GABRA1: variants seen among roughly 807,000 people sequenced by gnomAD.
GABRA1 encodes gamma-aminobutyric acid receptor subunit alpha-1.
A neutral mutation model predicts 48.9 loss-of-function variants in GABRA1; 9 were observed. The ratio of observed to expected loss-of-function variants is 0.18; its 90% CI spans 0.11 to 0.32. The LOEUF (loss-of-function observed/expected upper bound fraction) is 0.32, where lower values mean the gene tolerates loss of function less well. GABRA1 is among the 10% of genes least tolerant of loss of function. The probability of loss-of-function intolerance (pLI) is 1.00; values close to 1 mark genes in which losing one functional copy is unlikely to be tolerated. For synonymous variants in GABRA1, 210 were observed against 198.7 expected (o/e 1.06, Z -0.48); for missense variants, 285 against 553.8 (o/e 0.51, Z 4.87).
chr5:161,847,484 G>A (rs1347630225), upstream of GABRA1: 2 of 152,228 alleles, frequency 1.3e-5, no homozygotes, highest in African/African-American at 2.4e-5. Context: ...CCCGGTTCCG[G>A]AGGGTATTCT....
At chr5:161,871,888 ATCAGTAAGGGC>A (rs1330274697) in intron 4 of GABRA1, among the ~76,000 whole-genome samples, 1 of 152,138 alleles carries the variant, frequency 6.6e-6, no homozygotes, top group Non-Finnish European at 1.5e-5. Context: ...TAGTTACTTG[ATCAGTAAGGGC>A]TCAGTAATGC....
chr5:161,848,172 G>T lies in GABRA1; in HGVS notation c.-266G>T, dbSNP rs972105612. 3 of 152,152 alleles carry T rather than the reference G, an allele frequency of 2.0e-5. No homozygotes were observed. The highest frequency in any genetic ancestry group is 2.9e-5 in the Non-Finnish European group (2 of 68,058). The allele number at this position is 152,152 out of a possible 1,614,324, so 9.4% of individuals were successfully genotyped here. A position where few individuals can be genotyped will look rare whatever the true frequency, so the allele number is the denominator to read the frequency against. On this transcript the variant is annotated 5_prime_UTR_variant, in exon 1 of 10. Transcript: ENST00000393943. ...CGTATTACTACTGTCTTGGTAAAGA[G>T]AAATCTTTTGTTGTATAGCTGCAGA...
upstream of GABRA1, chr5:161,847,635 C>A (rs1378831022): frequency 6.6e-6 from 1 of 152,160 alleles, no homozygotes; most frequent in Admixed American, 6.5e-5. Flanking sequence ...CGTGACTCTG[C>A]AAGACACGGG....
chr5:161,895,216 AG>A (rs1356017406), intron 8 of GABRA1, among the ~76,000 whole-genome samples: 3 of 152,150 alleles, frequency 2.0e-5, no homozygotes, highest in African/African-American at 7.2e-5. Context: ...ATTATCAAAA[AG>A]TCATTCACTT....
intron 4 of GABRA1, among the ~76,000 whole-genome samples, chr5:161,869,006 A>C (rs1012927895): frequency 6.6e-6 from 1 of 152,194 alleles, no homozygotes; most frequent in Non-Finnish European, 1.5e-5. Flanking sequence ...CAGATTAGCC[A>C]TAGGTCTGCC....
At chr5:161,853,902 G>A (rs1485954579) in intron 2 of GABRA1, among the ~76,000 whole-genome samples, 5 of 151,628 alleles carry the variant, frequency 3.3e-5, no homozygotes, top group Non-Finnish European at 7.4e-5. Flanking sequence ...TAATAAACAT[G>A]ATAAGAATTC....
At chr5:161,879,981 G>T (rs1240536107) in intron 6 of GABRA1, among the ~76,000 whole-genome samples, 1 of 152,160 alleles carries the variant, frequency 6.6e-6, no homozygotes, top group Non-Finnish European at 1.5e-5. Context: ...GTTGTGAAAT[G>T]ACACAAGATC....
At chr5:161,886,581 GC>G (rs1480663625) in intron 7 of GABRA1, among the ~76,000 whole-genome samples, 1 of 151,898 alleles carries the variant, frequency 6.6e-6, no homozygotes, top group East Asian at 1.9e-4. Flanking sequence ...TTCCAAACCA[GC>G]CTGGGAAATG....
chr5:161,872,641 C>A (rs1405093616), intron 4 of GABRA1, among the ~76,000 whole-genome samples: 1 of 152,060 alleles, frequency 6.6e-6, no homozygotes, highest in Non-Finnish European at 1.5e-5. Context: ...ATTGGAATCA[C>A]AATTTACTTG....
intron 9 of GABRA1, 51 bp from the exon 10 acceptor site, chr5:161,897,060 T>G: frequency 6.4e-7 from 1 of 1,563,520 alleles, no homozygotes; most frequent in Non-Finnish European, 8.8e-7. Flanking sequence ...AACTTATAAT[T>G]TTGCTTCTCA....
chr5:161,896,982 A>T (rs1299609438), intron 9 of GABRA1, 129 bp from the exon 10 acceptor site: 2 of 785,768 alleles, frequency 2.5e-6, no homozygotes, highest in African/African-American at 3.5e-5. Flanking sequence ...GACAGGCATA[A>T]ATTATGTTTT....
chr5:161,894,666 A>G (rs1408786840), intron 8 of GABRA1, among the ~76,000 whole-genome samples: 1 of 152,042 alleles, frequency 6.6e-6, no homozygotes, highest in Non-Finnish European at 1.5e-5. Context: ...TGTTTTTTTA[A>G]CATTTTTATA....
upstream of GABRA1, chr5:161,847,895 A>T (rs1757272300): frequency 6.6e-6 from 1 of 152,020 alleles, no homozygotes; most frequent in South Asian, 2.1e-4. Context: ...TATGTCTCTC[A>T]CCCTTTCTAC....
chr5:161,879,196 C>T (rs1461944837), intron 6 of GABRA1, among the ~76,000 whole-genome samples: 2 of 152,146 alleles, frequency 1.3e-5, no homozygotes, highest in African/African-American at 4.8e-5. Context: ...GCTGGCTCAA[C>T]CTTTTGGGCT....
At chr5:161,849,948 G>T (rs1041421744) in intron 1 of GABRA1, 5 of 152,110 alleles carry the variant, frequency 3.3e-5, no homozygotes, top group African/African-American at 1.2e-4. Flanking sequence ...TACCTAAGAG[G>T]TAAAAAGATC....
chr5:161,875,457 T>C, intron 5 of GABRA1, 103 bp from the exon 6 acceptor site: 1 of 928,262 alleles, frequency 1.1e-6, no homozygotes, highest in Non-Finnish European at 1.8e-6. Context: ...CAATTATGCC[T>C]TCTTTGTTAA....
rs1032109936 is a variant in GABRA1 at position 161,898,725 on chromosome 5, T to C, written c.*1303T>C. ...TTCCCTATTTTAGGCTATTATAATA[T>C]AGAAAGAAAATGGGAAGCATTAGTT... On this transcript the variant is annotated 3_prime_UTR_variant, in exon 10 of 10. Transcript: ENST00000393943. 6.6e-6 allele frequency: 1 copy of C among 152,542 alleles called. No individual in the cohort carries two copies. Among genetic ancestry groups the C allele is most frequent in the Non-Finnish European group, 1.5e-5 (1 of 67,990 alleles). 9.4% of individuals were successfully genotyped at this position (152,542 alleles called of 1,614,324 possible).
chr5:161,883,266 C>G (rs759422299), intron 7 of GABRA1, among the ~76,000 whole-genome samples: 2 of 152,110 alleles, frequency 1.3e-5, no homozygotes, highest in Non-Finnish European at 2.9e-5. Flanking sequence ...TCTTCCGCAG[C>G]TAAAGCCAAC....
chr5:161,875,214 G>C (rs1754293387), intron 5 of GABRA1, among the ~76,000 whole-genome samples: 1 of 152,128 alleles, frequency 6.6e-6, no homozygotes, highest in Admixed American at 6.6e-5. Flanking sequence ...GGATAAAGTA[G>C]TATTTACGCA....
Sources: gnomAD v4.1 joint callset for allele counts (sites outside exome capture counted in the v4.1 genomes callset) on GRCh38, gnomAD v4.1.1 for gene constraint, MANE v1.5 for transcripts, NCBI Gene and HGNC (gene_info 2026-07-23, HGNC 2026-07-21) for gene names.